SYTL2: variants seen among roughly 807,000 people sequenced by gnomAD.
SYTL2 encodes the protein synaptotagmin-like protein 2.
Under a neutral mutation model 198.7 loss-of-function variants are expected in SYTL2, and 165 were observed. The observed-to-expected ratio is 0.83, with a 90% CI of 0.73 to 0.94. The LOEUF (loss-of-function observed/expected upper bound fraction) is 0.94, where lower values mean the gene tolerates loss of function less well. Among genes scored for constraint, SYTL2 ranks in the 40% least tolerant of loss-of-function variants. The pLI is 0.00. For missense variants in SYTL2, 2,835 were observed against 2,582.8 expected (o/e 1.10, Z -2.12); for synonymous variants, 966 against 917.7 (o/e 1.05, Z -0.95).
Position 85,696,378 on chromosome 11 carries a change from G to A in SYTL2, c.6379C>T (p.Pro2127Ser), listed in dbSNP as rs757117657. 6.8e-6 allele frequency: 11 copies of A among 1,613,794 alleles called. No homozygotes were observed. In the Admixed American group the frequency reaches 1.2e-4, roughly 17 times the overall value. The change falls in exon 19 of 20, where the codon CCA becomes TCA. Residue 2127 changes from proline (P) to serine (S), a missense_variant. By Grantham distance (74) the Pro-to-Ser change is moderately conservative. Coordinates refer to ENST00000359152, the MANE Select transcript of SYTL2 (RefSeq NM_206927.4). ...LNSFVKCTIL[P>S]DTSRKSRQKT... ...TGGCGACTTTTCCTACTTGTATCTG[G>A]AAGGATGGTACTACAAAAAGAGGCA...
intron 7 of SYTL2, 28 bp downstream of exon 7, chr11:85,733,911 T>A (rs2090085607): frequency 1.3e-6 from 2 of 1,599,826 alleles, no homozygotes; most frequent in Admixed American, 3.4e-5. Context: ...ACCAAGTTTT[T>A]ATAATCTAGT....
Position 85,696,408 on chromosome 11 carries a change from T to A in SYTL2, c.6369-20A>T. The A allele has an allele frequency of 6.3e-7, 1 of 1,591,102 alleles. No homozygotes were observed. The highest frequency in any genetic ancestry group is 8.6e-7 in the Non-Finnish European group (1 of 1,159,058). ...ATGGTACTACAAAAAGAGGCATGAT[T>A]GTGGGAGCATTTTAGTAAGATAGTG... On this transcript the variant is annotated intron_variant, in intron 18 of 19. Coordinates refer to ENST00000359152, the MANE Select transcript of SYTL2 (RefSeq NM_206927.4).
Position 85,718,838 on chromosome 11 carries a change from C to T in SYTL2, c.5434G>A (p.Ala1812Thr), listed in dbSNP as rs1295105572. The T allele has an allele frequency of 6.2e-7, 1 of 1,613,614 alleles. No homozygotes were observed. The highest frequency in any genetic ancestry group is 1.3e-5 in the African/African-American group (1 of 75,004). Residue 1812 changes from alanine to threonine, a missense_variant, in exon 10 of 20, where the codon GCA (alanine) becomes ACA (threonine). By Grantham distance (58) the Ala-to-Thr change is moderately conservative. This residue lies in a region of SYTL2 where 2,645 missense variants were observed against 2,381.7 expected (regional missense o/e 1.11). Coordinates refer to ENST00000359152, the MANE Select transcript of SYTL2 (RefSeq NM_206927.4). ...EDISSDSSNQ[A>T]KVDNQPEELV... ...TCTTCTGGCTGATTATCTACTTTTG[C>T]TTGATCTGTTCAGAAGAAATTAACA...
chr11:85,702,128 G>T (rs539241184), intron 16 of SYTL2, among the ~76,000 whole-genome samples: 1 of 151,680 alleles, frequency 6.6e-6, no homozygotes, highest in Non-Finnish European at 1.5e-5. Context: ...CAGGGAACCT[G>T]TTAAAAATGT....
intron 12 of SYTL2, among the ~76,000 whole-genome samples, chr11:85,711,502 G>GA (rs935184060): frequency 6.6e-6 from 1 of 152,156 alleles, no homozygotes; most frequent in Non-Finnish European, 1.5e-5. Flanking sequence ...TGCTGCAGAA[G>GA]ACAGCACTAT....
chr11:85,765,979 G>A (rs1207509953), intron 1 of SYTL2, among the ~76,000 whole-genome samples: 1 of 152,152 alleles, frequency 6.6e-6, no homozygotes, highest in Non-Finnish European at 1.5e-5. Context: ...AAGTATGTCA[G>A]CTACTAATAA....
At chr11:85,738,652 C>G (rs2090543833) in intron 4 of SYTL2, among the ~76,000 whole-genome samples, 1 of 152,150 alleles carries the variant, frequency 6.6e-6, no homozygotes, top group African/African-American at 2.4e-5. Context: ...AACCAGAAAG[C>G]AATTTCTCTT....
chr11:85,771,798 C>T (rs929725762), intron 1 of SYTL2, among the ~76,000 whole-genome samples: 1 of 152,208 alleles, frequency 6.6e-6, no homozygotes, highest in Non-Finnish European at 1.5e-5. Flanking sequence ...AAAATTGAGA[C>T]TAACCACTGC....
At chr11:85,732,350 C>T (rs1591794414) in intron 7 of SYTL2, among the ~76,000 whole-genome samples, 1 of 152,298 alleles carries the variant, frequency 6.6e-6, no homozygotes, top group South Asian at 2.1e-4. Context: ...CCCAAATGCC[C>T]ATCAATGATA....
chr11:85,842,662 G>T, the SYTL2 span, among the ~76,000 whole-genome samples: 2 of 152,166 alleles, frequency 1.3e-5, no homozygotes, highest in Non-Finnish European at 2.9e-5. Context: ...ATAACAAGGG[G>T]ACCTGACCTA....
rs759917403 is a variant in SYTL2 at position 85,727,854 on chromosome 11, A to T, written c.1504T>A (p.Ser502Thr). 4 of 1,612,498 alleles carry T rather than the reference A, an allele frequency of 2.5e-6. No individual in the cohort carries two copies. In the East Asian group the frequency reaches 8.9e-5, roughly 36 times the overall value. The change falls in exon 8 of 20, where the codon TCA becomes ACA. Residue 502 changes from serine to threonine, a missense_variant. Coordinates refer to ENST00000359152, the MANE Select transcript of SYTL2 (RefSeq NM_206927.4). The part of the protein sequence containing the change: ...PLPALKAKTS[S>T]RSGPYATEIK... The stretch of plus-strand genomic sequence containing the variant: ...TCAGTGGCATATGGACCAGAACGTG[A>T]AGATGTCTTAGCTTTTAGAGCCGGG...
At chr11:85,820,438 A>T in the SYTL2 span, among the ~76,000 whole-genome samples, 1 of 152,216 alleles carries the variant, frequency 6.6e-6, no homozygotes, top group Non-Finnish European at 1.5e-5. Flanking sequence ...GATTTGGAAG[A>T]CATTTAATAC....
In SYTL2 at chr11:85,734,184, G is replaced by A. The variant is rs191048510; in HGVS notation, c.1145C>T (p.Pro382Leu). The A allele has an allele frequency of 1.1e-4, 185 of 1,614,180 alleles. No homozygotes were observed. The East Asian group carries it at 3.8e-3, about 33-fold the overall frequency. Residue 382 changes from proline to leucine, a missense_variant, in exon 7 of 20, where the codon CCT becomes CTT. Coordinates refer to ENST00000359152, the MANE Select transcript of SYTL2 (RefSeq NM_206927.4). ...AGDTEEFQSD[P>L]KPSQYRKPSL... ...AGGCTTTCTGTATTGAGAAGGCTTA[G>A]GGTCACTCTGAAACTCTTCTGTGTC...
At chr11:85,714,182 A>C (rs1339856886) in intron 12 of SYTL2, among the ~76,000 whole-genome samples, 1 of 152,210 alleles carries the variant, frequency 6.6e-6, no homozygotes, top group Non-Finnish European at 1.5e-5. Flanking sequence ...ACATTCCCAA[A>C]TCTATGCAAT....
chr11:85,825,309 A>G, the SYTL2 span, among the ~76,000 whole-genome samples: 1 of 143,274 alleles, frequency 7.0e-6, no homozygotes, highest in African/African-American at 2.6e-5. Context: ...AATGGCGTGA[A>G]CCCGGGAGGC....
intron 1 of SYTL2, among the ~76,000 whole-genome samples, 166 bp downstream of exon 1, chr11:85,810,788 T>C (rs761690152): frequency 1.3e-5 from 2 of 152,210 alleles, no homozygotes; most frequent in Non-Finnish European, 2.9e-5. Context: ...GCTTTCCCCG[T>C]GCCAAAACGC....
intron 2 of SYTL2, among the ~76,000 whole-genome samples, chr11:85,749,120 A>T (rs1358396581): frequency 6.6e-6 from 1 of 152,218 alleles, no homozygotes; most frequent in Non-Finnish European, 1.5e-5. Context: ...TTTCACAATT[A>T]TTCATGCTTA....
At chr11:85,739,020 A>C (rs971578799) in intron 4 of SYTL2, among the ~76,000 whole-genome samples, 3 of 152,096 alleles carry the variant, frequency 2.0e-5, no homozygotes, top group African/African-American at 7.2e-5. Flanking sequence ...TCTCTCCCTT[A>C]CTGAGCTGTA....
intron 1 of SYTL2, among the ~76,000 whole-genome samples, chr11:85,769,095 CA>C (rs1344692767): frequency 1.1e-4 from 16 of 152,024 alleles, no homozygotes; most frequent in Non-Finnish European, 1.9e-4. Context: ...AAGGGCTGTG[CA>C]AAAAAGTTTG....
Sources: allele counts gnomAD v4.1 joint callset (sites outside exome capture counted in the v4.1 genomes callset), GRCh38; gene constraint gnomAD v4.1.1; regional missense constraint gnomAD v4.1.1; transcripts MANE v1.5; gene names NCBI Gene and HGNC (gene_info 2026-07-23, HGNC 2026-07-21).